NRCAM: variants seen among roughly 807,000 people sequenced by gnomAD.
NRCAM encodes the protein NgCAM-related cell adhesion molecule.
Under a neutral mutation model 156.5 loss-of-function variants are expected in NRCAM, and 83 were observed. The ratio of observed to expected loss-of-function variants is 0.53; its 90% CI spans 0.44 to 0.64. NRCAM has a LOEUF of 0.64. Ranked by LOEUF, NRCAM falls within the 30% of genes least tolerant of loss-of-function variation. NRCAM has a pLI of 0.00. For missense variants in NRCAM, 1,417 were observed against 1,597.3 expected (o/e 0.89, Z 1.92); for synonymous variants, 538 against 563.9 (o/e 0.95, Z 0.65).
Position 108,312,665 on chromosome 7 carries a change from C to T in NRCAM, c.-107G>A, listed in dbSNP as rs2098818814. 6.6e-6 allele frequency: 1 copy of T among 152,064 alleles called. No homozygotes were observed. Among genetic ancestry groups the T allele is most frequent in the South Asian group, 2.1e-4 (1 of 4,816 alleles). 9.4% of individuals were successfully genotyped at this position (152,064 alleles called of 1,614,324 possible). On this transcript the variant is annotated splice_region_variant and 5_prime_UTR_variant, in exon 3 of 33. Transcript: ENST00000379028. ...ATGTTTTGAGAAGACAAACTCTTAC[C>T]TTTGAAGAAGCTCTTAAGTTGTTCT...
intron 3 of NRCAM, among the ~76,000 whole-genome samples, chr7:108,295,117 G>A (rs573329599): frequency 6.6e-6 from 1 of 152,272 alleles, no homozygotes; most frequent in African/African-American, 2.4e-5. Context: ...TAAATCTGTT[G>A]ATTTTGTATT....
chr7:108,442,797 A>T (rs1840077124), intron 1 of NRCAM, among the ~76,000 whole-genome samples: 1 of 152,254 alleles, frequency 6.6e-6, no homozygotes, highest in Non-Finnish European at 1.5e-5. Flanking sequence ...AGTGATATTC[A>T]GATACAAACT....
Position 108,235,868 on chromosome 7 carries a change from C to T in NRCAM, c.125-1180G>A, listed in dbSNP as rs536849609. On this transcript the variant is annotated intron_variant, in intron 5 of 32. Transcript: ENST00000379028. ...TGAGGCTGAAAAGTTCTGAGGCAGA[C>T]GACAATGTGCTTGGCACCCCTGGAG... is the stretch of plus-strand genomic sequence containing the variant. 4.6e-5 allele frequency among the ~76,000 whole-genome samples: 7 copies of T among 152,256 alleles called. No individual in the cohort carries two copies. The East Asian group carries it at 5.8e-4, about 13-fold the overall frequency.
intron 1 of NRCAM, among the ~76,000 whole-genome samples, chr7:108,432,839 T>G (rs1236184657): frequency 6.6e-6 from 1 of 151,274 alleles, no homozygotes; most frequent in East Asian, 2.0e-4. Flanking sequence ...GAGGCAGAGG[T>G]TGCCGTAAGC....
chr7:108,416,645 T>C (rs144474127), intron 1 of NRCAM, among the ~76,000 whole-genome samples: 24 of 152,206 alleles, frequency 1.6e-4, no homozygotes, highest in African/African-American at 5.5e-4. Flanking sequence ...AAACTTGGGT[T>C]TTTATAGTAT....
Position 108,447,259 on chromosome 7 carries a change from C to CTTT in NRCAM, c.-332+8981_-332+8983dup, listed in dbSNP as rs34273772. ...ATGGGTTTGCCAAGTTCACTTCTTT[C>CTTT]TTTTTTTTTTTTTTTTTTTTTTTTT... On this transcript the variant is annotated intron_variant, in intron 1 of 32. Transcript: ENST00000379028. Among the ~76,000 whole-genome samples, 158 of 84,142 alleles carry CTTT rather than the reference C, an allele frequency of 1.9e-3. 1 individual carries two copies. Among genetic ancestry groups the CTTT allele is most frequent in the Middle Eastern group, 8.5e-3 (1 of 118 alleles). The allele number at this position is 84,142 out of a possible 152,430, so 55.2% of individuals were successfully genotyped here. A position where few individuals can be genotyped will look rare whatever the true frequency, so the allele number is the denominator to read the frequency against.
intron 1 of NRCAM, among the ~76,000 whole-genome samples, chr7:108,436,686 A>C (rs1832615777): frequency 6.6e-6 from 1 of 152,256 alleles, no homozygotes; most frequent in Admixed American, 6.5e-5. Flanking sequence ...TAAAAAATAA[A>C]ACACTACAAA....
intron 1 of NRCAM, among the ~76,000 whole-genome samples, chr7:108,429,531 C>T (rs1351524805): frequency 6.6e-6 from 1 of 152,200 alleles, no homozygotes; most frequent in Admixed American, 6.5e-5. Context: ...CCACACAAAA[C>T]AAAGACTGGA....
chr7:108,454,751 C>T (rs1033746144), intron 1 of NRCAM, among the ~76,000 whole-genome samples: 14 of 152,194 alleles, frequency 9.2e-5, no homozygotes. Context: ...GGTGCACAAC[C>T]AATGCTTCCT....
At chr7:108,332,672 TCATACACTA>T (rs1308515807) in intron 2 of NRCAM, among the ~76,000 whole-genome samples, 1 of 152,176 alleles carries the variant, frequency 6.6e-6, no homozygotes, top group East Asian at 1.9e-4. Context: ...TCAGAATGTA[TCATACACTA>T]TATATTTACA....
intron 1 of NRCAM, among the ~76,000 whole-genome samples, chr7:108,409,437 A>G (rs1442583738): frequency 6.6e-6 from 1 of 152,072 alleles, no homozygotes; most frequent in African/African-American, 2.4e-5. Flanking sequence ...TCCTTCCCAA[A>G]CTTCCCCATC....
Position 108,283,522 on chromosome 7 carries a change from C to T in NRCAM, c.-107+29143G>A, listed in dbSNP as rs185817512. Among the ~76,000 whole-genome samples, 36 of 152,172 alleles carry T rather than the reference C, an allele frequency of 2.4e-4. No homozygotes were observed. In the East Asian group the frequency reaches 6.4e-3, roughly 27 times the overall value. ...GCAGGAGATGCGAATGAGGGGCACA[C>T]GTGGGAAACAGAATGGTTCAATTCG... On this transcript the variant is annotated intron_variant, in intron 3 of 32. Transcript: ENST00000379028.
At chr7:108,235,960 C>T (rs1231787755) in intron 5 of NRCAM, among the ~76,000 whole-genome samples, 1 of 152,172 alleles carries the variant, frequency 6.6e-6, no homozygotes, top group African/African-American at 2.4e-5. Flanking sequence ...CCAAGGCCCT[C>T]TCTTGGATTC....
chr7:108,429,529 A>G (rs1333811706), intron 1 of NRCAM, among the ~76,000 whole-genome samples: 2 of 152,200 alleles, frequency 1.3e-5, no homozygotes, highest in Admixed American at 1.3e-4. Context: ...CCCCACACAA[A>G]ACAAAGACTG....
At chr7:108,220,380 A>C (rs1336873520) in intron 11 of NRCAM, among the ~76,000 whole-genome samples, 1 of 152,164 alleles carries the variant, frequency 6.6e-6, no homozygotes, top group Non-Finnish European at 1.5e-5. Context: ...AGAAGACCCC[A>C]CACAGCCAAA....
At chr7:108,414,616 G>A (rs1172114893) in intron 1 of NRCAM, among the ~76,000 whole-genome samples, 1 of 152,238 alleles carries the variant, frequency 6.6e-6, no homozygotes, top group Non-Finnish European at 1.5e-5. Context: ...ATGAATGAAT[G>A]TAATTAGAGG....
intron 1 of NRCAM, among the ~76,000 whole-genome samples, chr7:108,446,970 T>A (rs1466849245): frequency 6.6e-6 from 1 of 152,050 alleles, no homozygotes; most frequent in Non-Finnish European, 1.5e-5. Context: ...CCTCAAGTGA[T>A]CTGCCCGCCC....
intron 3 of NRCAM, among the ~76,000 whole-genome samples, chr7:108,312,432 T>C (rs1276307314): frequency 6.6e-6 from 1 of 152,136 alleles, no homozygotes; most frequent in Non-Finnish European, 1.5e-5. Flanking sequence ...AAAAATCTTA[T>C]TACTATGAAA....
At chr7:108,187,366 CCTGT>C (rs2153407622) in intron 20 of NRCAM, among the ~76,000 whole-genome samples, 1 of 152,248 alleles carries the variant, frequency 6.6e-6, no homozygotes, top group South Asian at 2.1e-4. Flanking sequence ...GCAGACATGC[CCTGT>C]CTTAGGGCCT....
Sources: gnomAD v4.1 joint callset for allele counts (sites outside exome capture counted in the v4.1 genomes callset) on GRCh38, gnomAD v4.1.1 for gene constraint, MANE v1.5 for transcripts, NCBI Gene and HGNC (gene_info 2026-07-23, HGNC 2026-07-21) for gene names.